EVC: variants seen among roughly 807,000 people sequenced by gnomAD.
The protein encoded by EVC is evC complex member EVC.
EVC carries 116 observed loss-of-function variants against 118.9 expected under a neutral mutation model. The ratio of observed to expected loss-of-function variants is 0.98; its 90% CI spans 0.84 to 1.14. The LOEUF (loss-of-function observed/expected upper bound fraction) is 1.14. Ranked by LOEUF, EVC falls within the 50% of genes most tolerant of loss-of-function variation. The probability of loss-of-function intolerance (pLI) is 0.00; values close to 1 mark genes in which losing one functional copy is unlikely to be tolerated. For synonymous variants in EVC, 619 were observed against 534.7 expected (o/e 1.16, Z -2.18); for missense variants, 1,401 against 1,246.4 (o/e 1.12, Z -1.87).
rs372274961 is a variant in EVC, at chr4:5,733,333, T to G, written c.618-18T>G. On this transcript the variant is annotated intron_variant, in intron 4 of 20. Transcript: ENST00000264956. ...CGATACCCTGAAAGTCTTTTCCGCT[T>G]CTCATTTTATTTTGCAGTGTAGACG... 4 of 1,609,140 alleles carry G rather than the reference T, an allele frequency of 2.5e-6. No homozygotes were observed. The highest frequency in any genetic ancestry group is 3.4e-6 in the Non-Finnish European group (4 of 1,175,544).
intron 2 of EVC, among the ~76,000 whole-genome samples, chr4:5,722,065 C>A (rs1725044045): frequency 3.9e-5 from 6 of 152,144 alleles, no homozygotes; most frequent in Admixed American, 3.9e-4. Context: ...AATCCTGGAA[C>A]CCAGTCCCAG....
intron 17 of EVC, among the ~76,000 whole-genome samples, chr4:5,806,912 A>C (rs1716007337): frequency 6.6e-6 from 1 of 152,108 alleles, no homozygotes; most frequent in South Asian, 2.1e-4. Flanking sequence ...TTGTGGCTTT[A>C]ACTTGCATTC....
At chr4:5,828,334 C>T in the EVC span, 2 of 984,680 alleles carry the variant, frequency 2.0e-6, no homozygotes, top group Non-Finnish European at 2.4e-6. Flanking sequence ...AGACAGGAGC[C>T]CAGGCCAGCG....
chr4:5,805,896 T>TC (rs1715812192), intron 17 of EVC, among the ~76,000 whole-genome samples: 2 of 149,162 alleles, frequency 1.3e-5, no homozygotes, highest in Non-Finnish European at 3.0e-5. Flanking sequence ...CTTTTCTTTT[T>TC]TTTTTTTTTT....
chr4:5,780,015 C>T (rs1239693875), intron 11 of EVC, among the ~76,000 whole-genome samples: 1 of 152,090 alleles, frequency 6.6e-6, no homozygotes, highest in East Asian at 1.9e-4. Context: ...AGATACGTCC[C>T]ATCAATACCT....
chr4:5,742,626 C>T lies in EVC; in HGVS notation c.801+812C>T, dbSNP rs114460332. ...ACCGCTGTCATCACCAACACCATCA[C>T]CATCCTCATGTCCTCATTACCATCA... On this transcript the variant is annotated intron_variant, in intron 6 of 20. Coordinates refer to ENST00000264956, the MANE Select transcript of EVC (RefSeq NM_153717.3). This position sits in a 1 kb window ranked among gnomAD's most constrained non-coding sequence, Gnocchi z 5.2. Among the ~76,000 whole-genome samples the T allele has an allele frequency of 0.017, 2,589 of 152,240 alleles. 83 individuals carry two copies. Among genetic ancestry groups the T allele is most frequent in the African/African-American group, 0.059 (2,430 of 41,534 alleles).
At chr4:5,712,158 C>T (rs527580169) in intron 1 of EVC, among the ~76,000 whole-genome samples, 2 of 152,302 alleles carry the variant, frequency 1.3e-5, no homozygotes, top group South Asian at 4.1e-4. Flanking sequence ...GGTTATGACA[C>T]CGCATGGGGA....
intron 1 of EVC, among the ~76,000 whole-genome samples, chr4:5,712,714 T>G (rs867216004): frequency 6.6e-6 from 1 of 152,154 alleles, no homozygotes; most frequent in Non-Finnish European, 1.5e-5. Flanking sequence ...AAAGAGCTGA[T>G]GAGGGCTGAA....
intron 5 of EVC, among the ~76,000 whole-genome samples, chr4:5,735,276 G>A (rs1727482828): frequency 6.6e-6 from 1 of 152,228 alleles, no homozygotes; most frequent in African/African-American, 2.4e-5. Flanking sequence ...CAGAGCTGGG[G>A]AGATGGTCAG....
At chr4:5,799,939 G>A (rs1457778848) in intron 15 of EVC, among the ~76,000 whole-genome samples, 2 of 152,248 alleles carry the variant, frequency 1.3e-5, no homozygotes, top group Non-Finnish European at 2.9e-5. Context: ...CTCGCTGCAT[G>A]AAAATGGAGT....
Position 5,813,853 on chromosome 4 carries a change from A to G in EVC, c.*2816A>G, listed in dbSNP as rs1380966454. The G allele has an allele frequency of 6.6e-6, 1 of 152,246 alleles. No individual in the cohort carries two copies. Among genetic ancestry groups the G allele is most frequent in the African/African-American group, 2.4e-5 (1 of 41,476 alleles). The allele number at this position is 152,246 out of a possible 1,614,324, so 9.4% of individuals were successfully genotyped here. A position where few individuals can be genotyped will look rare whatever the true frequency, so the allele number is the denominator to read the frequency against. On this transcript the variant is annotated 3_prime_UTR_variant, in exon 21 of 21. Transcript: ENST00000264956. ...GCCGCCCAGCTGTTGTGCTGGGCACAGTCTGGGGCACAGGCCTCCATGATG... is the reference window on the plus strand; with the variant it reads ...GCCGCCCAGCTGTTGTGCTGGGCACGGTCTGGGGCACAGGCCTCCATGATG...
chr4:5,811,978 C>A lies in EVC; in HGVS notation c.*941C>A. 6.3e-6 allele frequency: 1 copy of A among 158,892 alleles called. No individual in the cohort carries two copies. 9.8% of individuals were successfully genotyped at this position (158,892 alleles called of 1,614,324 possible). A position where few individuals can be genotyped will look rare whatever the true frequency, so the allele number is the denominator to read the frequency against. On this transcript the variant is annotated 3_prime_UTR_variant, in exon 21 of 21. Coordinates refer to ENST00000264956, the MANE Select transcript of EVC (RefSeq NM_153717.3). ...ACTTCCGGACAAGCCTCTCACACAC[C>A]ACAGCCAGGAGAGGCCTTTCCCACC...
In EVC at chr4:5,750,826, T is replaced by A. The variant is rs527357267; in HGVS notation, c.1099-2010T>A. Reference sequence around the variant, plus strand: ...TGGACAGGGCTACACAGTCTATGTTTGTATAGAAGAGGGATGGATTCACTA... The same window carrying A: ...TGGACAGGGCTACACAGTCTATGTTAGTATAGAAGAGGGATGGATTCACTA... On this transcript the variant is annotated intron_variant, in intron 8 of 20. Coordinates refer to ENST00000264956, the MANE Select transcript of EVC (RefSeq NM_153717.3). Among the ~76,000 whole-genome samples, 20 of 152,228 alleles carry A rather than the reference T, an allele frequency of 1.3e-4. No homozygotes were observed. The East Asian group carries it at 3.9e-3, about 29-fold the overall frequency.
chr4:5,721,219 G>A (rs1724907423), intron 2 of EVC, among the ~76,000 whole-genome samples: 1 of 152,078 alleles, frequency 6.6e-6, no homozygotes, highest in Admixed American at 6.5e-5. Context: ...GTACACAAAT[G>A]TTCAAAGCAA....
chr4:5,790,273 C>A (rs1177098584), intron 12 of EVC, among the ~76,000 whole-genome samples: 2 of 151,346 alleles, frequency 1.3e-5, no homozygotes, highest in Non-Finnish European at 2.9e-5. Flanking sequence ...AAACTCCTTA[C>A]AAGAGGAATC....
chr4:5,828,222 C>G, the EVC span: 6 of 985,406 alleles, frequency 6.1e-6, no homozygotes, highest in Non-Finnish European at 7.2e-6. Context: ...GCTTGGTAAG[C>G]GTCCCTCCCA....
chr4:5,788,405 A>C (rs1712113807), intron 12 of EVC, among the ~76,000 whole-genome samples: 1 of 152,136 alleles, frequency 6.6e-6, no homozygotes, highest in African/African-American at 2.4e-5. Context: ...GGGTCGTTGG[A>C]CTGAGAGCCA....
intron 13 of EVC, 56 bp from the exon 14 acceptor site, chr4:5,796,966 A>T: frequency 1.5e-6 from 2 of 1,329,684 alleles, no homozygotes; most frequent in Non-Finnish European, 2.2e-6. Context: ...GGAGCTTGTC[A>T]CTGGCTTCGT....
At chr4:5,777,910 C>T (rs942162595) in intron 11 of EVC, among the ~76,000 whole-genome samples, 1 of 152,028 alleles carries the variant, frequency 6.6e-6, no homozygotes, top group African/African-American at 2.4e-5. Context: ...CGTATGGATA[C>T]ATGTGACATG....
Sources: gnomAD v4.1 joint callset for allele counts (sites outside exome capture counted in the v4.1 genomes callset) on GRCh38, gnomAD v4.1.1 for gene constraint, Gnocchi (gnomAD v3.1) non-coding constraint, MANE v1.5 for transcripts, NCBI Gene and HGNC (gene_info 2026-07-23, HGNC 2026-07-21) for gene names.